Variants in STK32A observed in about 807,000 individuals in gnomAD.
STK32A encodes the protein serine/threonine kinase 32A.
Under a neutral mutation model 53.2 loss-of-function variants are expected in STK32A, and 41 were observed. That is an observed-to-expected ratio of 0.77 (90% confidence interval 0.60 to 1.00). STK32A has a LOEUF of 1.00. Ranked by LOEUF, STK32A falls within the 50% of genes least tolerant of loss-of-function variation. The pLI is 0.00. For synonymous variants in STK32A, 166 were observed against 162.8 expected (o/e 1.02, Z -0.15); for missense variants, 458 against 485.8 (o/e 0.94, Z 0.54).
chr5:147,269,453 C>T (rs547189263), intron 2 of STK32A, among the ~76,000 whole-genome samples: 1 of 152,284 alleles, frequency 6.6e-6, no homozygotes, highest in South Asian at 2.1e-4. Flanking sequence ...AAAATGAAAT[C>T]CTCTCTGGAC....
intron 2 of STK32A, among the ~76,000 whole-genome samples, chr5:147,256,083 C>T (rs980225598): frequency 2.6e-5 from 4 of 152,140 alleles, no homozygotes; most frequent in African/African-American, 7.2e-5. Context: ...AGTAAAGGTC[C>T]ACCACAATAC....
chr5:147,391,837 G>A (rs1757817935), downstream of STK32A: 1 of 152,162 alleles, frequency 6.6e-6, no homozygotes, highest in Non-Finnish European at 1.5e-5. Flanking sequence ...AGGAAATCTT[G>A]TGCAGAATCA....
intron 6 of STK32A, among the ~76,000 whole-genome samples, chr5:147,344,064 G>A (rs1289477285): frequency 6.6e-6 from 1 of 152,170 alleles, no homozygotes; most frequent in African/African-American, 2.4e-5. Flanking sequence ...AAAACTGTAT[G>A]TTATAAATGT....
At chr5:147,245,704 G>T (rs1310536265) in intron 2 of STK32A, among the ~76,000 whole-genome samples, 1 of 152,222 alleles carries the variant, frequency 6.6e-6, no homozygotes, top group Non-Finnish European at 1.5e-5. Context: ...TTATAGCTAA[G>T]AAAATTTGGA....
intron 5 of STK32A, among the ~76,000 whole-genome samples, chr5:147,331,317 ACAC>A (rs1754860813): frequency 6.6e-6 from 1 of 152,314 alleles, no homozygotes; most frequent in East Asian, 1.9e-4. Context: ...CAGGTTCCAC[ACAC>A]CACCTAACTT....
chr5:147,240,365 A>G (rs1000054251), intron 2 of STK32A, among the ~76,000 whole-genome samples: 17 of 152,116 alleles, frequency 1.1e-4, no homozygotes, highest in Admixed American at 1.0e-3. Flanking sequence ...TCTGGGGGAA[A>G]AAAATGCCCC....
intron 4 of STK32A, among the ~76,000 whole-genome samples, chr5:147,280,288 G>A (rs913205254): frequency 2.0e-5 from 3 of 152,082 alleles, no homozygotes; most frequent in African/African-American, 7.2e-5. Flanking sequence ...CCAGTGTGCA[G>A]ACTCCGGGGG....
chr5:147,328,071 AAGT>A (rs1754688513), intron 5 of STK32A, among the ~76,000 whole-genome samples: 1 of 152,230 alleles, frequency 6.6e-6, no homozygotes, highest in African/African-American at 2.4e-5. Flanking sequence ...TAAGAAAGAC[AAGT>A]ACTTCAGAGA....
intron 2 of STK32A, among the ~76,000 whole-genome samples, chr5:147,251,911 A>G (rs140003373): frequency 1.4e-4 from 21 of 152,234 alleles, no homozygotes; most frequent in Admixed American, 2.6e-4. Context: ...GTATTTAACA[A>G]TTCATTATGA....
chr5:147,371,212 G>A (rs1468144009), intron 9 of STK32A, among the ~76,000 whole-genome samples: 2 of 151,966 alleles, frequency 1.3e-5, no homozygotes, highest in Non-Finnish European at 2.9e-5. Context: ...GCCTTATAAC[G>A]GGTTTGTCCA....
intron 5 of STK32A, among the ~76,000 whole-genome samples, chr5:147,327,938 C>T (rs183149453): frequency 1.3e-5 from 2 of 152,216 alleles, no homozygotes; most frequent in African/African-American, 4.8e-5. Context: ...AGAGAACAGC[C>T]TAAAATTGGA....
At chr5:147,319,990 T>C (rs1301669020) in intron 4 of STK32A, among the ~76,000 whole-genome samples, 1 of 152,194 alleles carries the variant, frequency 6.6e-6, no homozygotes, top group Non-Finnish European at 1.5e-5. Flanking sequence ...AATAATGTTT[T>C]TCATCATAAC....
At chr5:147,395,272 G>T in the STK32A span, among the ~76,000 whole-genome samples, 1 of 152,186 alleles carries the variant, frequency 6.6e-6, no homozygotes, top group South Asian at 2.1e-4. Flanking sequence ...TCATAGAGGG[G>T]ACCAGCTCCC....
intron 4 of STK32A, among the ~76,000 whole-genome samples, chr5:147,291,230 T>C (rs559916084): frequency 1.3e-5 from 2 of 152,316 alleles, no homozygotes; most frequent in East Asian, 1.9e-4. Context: ...GTGGATGAAC[T>C]TAAGCAGTTT....
chr5:147,338,319 G>C (rs1044814698), intron 5 of STK32A, among the ~76,000 whole-genome samples: 8 of 152,134 alleles, frequency 5.3e-5, no homozygotes, highest in Admixed American at 2.6e-4. Context: ...CGTAAGAGGT[G>C]CCTTTGCTTC....
chr5:147,269,517 G>A (rs981816120), intron 2 of STK32A, among the ~76,000 whole-genome samples: 1 of 152,164 alleles, frequency 6.6e-6, no homozygotes, highest in East Asian at 1.9e-4. Context: ...TTTCCATGTC[G>A]AATTGACTTT....
At position 147,383,875 on chromosome 5, in the gene STK32A, TC is replaced by T. The variant is rs147337779; in HGVS notation, c.1098-14del. The T allele has an allele frequency of 7.1e-3, 10,437 of 1,462,514 alleles. 241 individuals carry two copies. In the East Asian group the frequency reaches 0.16, roughly 22 times the overall value. 90.6% of individuals were successfully genotyped at this position (1,462,514 alleles called of 1,614,324 possible). On this transcript the variant is annotated splice_polypyrimidine_tract_variant and intron_variant, in intron 12 of 12. Coordinates refer to ENST00000397936, the MANE Select transcript of STK32A (RefSeq NM_001112724.2). Reference sequence around the variant, plus strand: ...TCAAAGAATAAAACATCTTTTTTTTTCTTTTCTTTTTAAGAGTAAACAGGGA... The same window carrying T: ...TCAAAGAATAAAACATCTTTTTTTTTTTTTCTTTTTAAGAGTAAACAGGGA...
rs2151998364 is a variant in STK32A at position 147,361,534 on chromosome 5, T to G, written c.580T>G (p.Ser194Ala). ...TTTTTCAGCACCTGAGATGTTCAGC[T>G]CCAGAAAAGGAGCAGGCTATTCCTT... is the stretch of plus-strand genomic sequence containing the variant. ...KPYMAPEMFS[S>A]RKGAGYSFAV... The change falls in exon 8 of 13, where the codon TCC becomes GCC. Residue 194 changes from serine (S) to alanine (A), a missense_variant. Coordinates refer to ENST00000397936, the MANE Select transcript of STK32A (RefSeq NM_001112724.2). 6.2e-7 allele frequency: 1 copy of G among 1,612,866 alleles called. No homozygotes were observed. The highest frequency in any genetic ancestry group is 2.2e-5 in the East Asian group (1 of 44,860).
chr5:147,262,386 G>C (rs566508831), intron 2 of STK32A, among the ~76,000 whole-genome samples: 1 of 151,944 alleles, frequency 6.6e-6, no homozygotes, highest in South Asian at 2.1e-4. Context: ...CACTATTAAA[G>C]GTCACAAAGC....
Sources: gnomAD v4.1 joint callset for allele counts (sites outside exome capture counted in the v4.1 genomes callset) on GRCh38, gnomAD v4.1.1 for gene constraint, MANE v1.5 for transcripts, NCBI Gene and HGNC (gene_info 2026-07-23, HGNC 2026-07-21) for gene names.